Variants in TRIP13 observed in about 807,000 individuals in gnomAD.
TRIP13 encodes pachytene checkpoint protein 2 homolog.
A neutral mutation model predicts 54.4 loss-of-function variants in TRIP13; 25 were observed. The observed-to-expected ratio is 0.46, with a 90% CI of 0.33 to 0.64. The LOEUF (loss-of-function observed/expected upper bound fraction) is 0.64, where lower values mean the gene tolerates loss of function less well. TRIP13 is among the 30% of genes least tolerant of loss of function. The pLI is 0.02. For synonymous variants in TRIP13, 207 were observed against 207.8 expected, an observed-to-expected ratio of 1.00 and a Z score of 0.03; for missense variants, 373 against 534.2, an observed-to-expected ratio of 0.70 and a Z score of 2.97.
intron 5 of TRIP13, 77 bp from the exon 6 acceptor site, chr5:904,071 A>G (rs1435679799): frequency 1.5e-5 from 19 of 1,301,184 alleles, no homozygotes; most frequent in Non-Finnish European, 1.9e-5. Context: ...TTTTATGGAT[A>G]ATGGAAGTTA....
intron 1 of TRIP13, among the ~76,000 whole-genome samples, chr5:894,318 G>A (rs1753835668): frequency 6.6e-6 from 1 of 152,082 alleles, no homozygotes; most frequent in Non-Finnish European, 1.5e-5. Context: ...TGCAGCAAGG[G>A]GGACCAAGGG....
rs577182894 is a variant in TRIP13 at position 911,275 on chromosome 5, G to T, written c.867-568G>T. On this transcript the variant is annotated intron_variant, in intron 9 of 12. Transcript: ENST00000166345. This position sits in a 1 kb window ranked among gnomAD's most constrained non-coding sequence, Gnocchi z 4.7. ...GCACAATCAGGAACGCCATGCGAAA[G>T]TGAGATCCTTGCTAGGCCGGGCGCG... 6.6e-6 allele frequency among the ~76,000 whole-genome samples: 1 copy of T among 152,320 alleles called. No individual in the cohort carries two copies. The highest frequency in any genetic ancestry group is 6.5e-5 in the Admixed American group (1 of 15,310).
In TRIP13 at chr5:911,287, C is replaced by T. The variant is rs1048733188; in HGVS notation, c.867-556C>T. On this transcript the variant is annotated intron_variant, in intron 9 of 12. Transcript: ENST00000166345. This position sits in a 1 kb window ranked among gnomAD's most constrained non-coding sequence, Gnocchi z 4.7. ...ACGCCATGCGAAAGTGAGATCCTTG[C>T]TAGGCCGGGCGCGGTGGCTTACGCC... Among the ~76,000 whole-genome samples the T allele has an allele frequency of 1.5e-4, 23 of 152,288 alleles. No homozygotes were observed. Among genetic ancestry groups the T allele is most frequent in the African/African-American group, 4.6e-4 (19 of 41,568 alleles).
chr5:917,383 T>G lies in TRIP13; in HGVS notation c.*280T>G, dbSNP rs1334452024. On this transcript the variant is annotated 3_prime_UTR_variant, in exon 13 of 13. Coordinates refer to ENST00000166345, the MANE Select transcript of TRIP13 (RefSeq NM_004237.4). ...TTGTGAAGAACCATCGAAACCTGTT[T>G]GTTCCCAGCCCACCCCCAGTGGATG... 3.2e-6 allele frequency: 1 copy of G among 316,576 alleles called. No homozygotes were observed. Among genetic ancestry groups the G allele is most frequent in the Non-Finnish European group, 5.8e-6 (1 of 171,822 alleles). The allele number at this position is 316,576 out of a possible 1,614,324, so 19.6% of individuals were successfully genotyped here.
intron 2 of TRIP13, 81 bp downstream of exon 2, chr5:895,033 G>A (rs907725613): frequency 1.4e-6 from 2 of 1,445,798 alleles, no homozygotes; most frequent in African/African-American, 2.8e-5. Flanking sequence ...CGTTTTCATA[G>A]CCTGTTGTCA....
chr5:905,491 G>A (rs1754096672), intron 6 of TRIP13, among the ~76,000 whole-genome samples: 1 of 152,146 alleles, frequency 6.6e-6, no homozygotes, highest in Non-Finnish European at 1.5e-5. Flanking sequence ...CAGACTCCCT[G>A]AACTCCAATC....
intron 1 of TRIP13, 34 bp downstream of exon 1, chr5:893,124 A>AGCCCCCCCCCCCC: frequency 4.0e-6 from 6 of 1,516,686 alleles, no homozygotes; most frequent in Non-Finnish European, 3.5e-6. Context: ...TCCTCTGGGC[A>AGCCCCCCCCCCCC]CCCACCCGCC....
chr5:902,274 A>C (rs1164787221), intron 5 of TRIP13, among the ~76,000 whole-genome samples: 1 of 152,216 alleles, frequency 6.6e-6, no homozygotes, highest in Admixed American at 6.5e-5. Context: ...AACTGTAGCC[A>C]AGTGTTAAAT....
At chr5:902,748 C>T (rs1164449065) in intron 5 of TRIP13, among the ~76,000 whole-genome samples, 3 of 152,018 alleles carry the variant, frequency 2.0e-5, no homozygotes, top group African/African-American at 4.8e-5. Context: ...TGCCAGGCTG[C>T]GCTGATATAT....
chr5:903,100 C>G (rs1476645045), intron 5 of TRIP13, among the ~76,000 whole-genome samples: 1 of 152,032 alleles, frequency 6.6e-6, no homozygotes, highest in African/African-American at 2.4e-5. Flanking sequence ...AGGCCCTCCA[C>G]AAGAGGTGGA....
rs1340384344 is a variant in TRIP13 at position 911,699 on chromosome 5, G to A, written c.867-144G>A. On this transcript the variant is annotated intron_variant, in intron 9 of 12. Coordinates refer to ENST00000166345, the MANE Select transcript of TRIP13 (RefSeq NM_004237.4). This position sits in a 1 kb window ranked among gnomAD's most constrained non-coding sequence, Gnocchi z 4.7. ...GAGCAAAGGCTGGGGGGTCTGCGTG[G>A]CCTGTGTTGGCACAAGGCCACTTTC... is the stretch of plus-strand genomic sequence containing the variant. The A allele has an allele frequency of 2.0e-6, 2 of 994,010 alleles. No individual in the cohort carries two copies. The highest frequency in any genetic ancestry group is 6.4e-5 in the Admixed American group (2 of 31,358). The allele number at this position is 994,010 out of a possible 1,614,324, so 61.6% of individuals were successfully genotyped here. A position where few individuals can be genotyped will look rare whatever the true frequency, so the allele number is the denominator to read the frequency against.
downstream of TRIP13, among the ~76,000 whole-genome samples, chr5:918,706 G>T (rs970289428): frequency 1.3e-5 from 2 of 152,184 alleles, no homozygotes; most frequent in African/African-American, 4.8e-5. The surrounding 1 kb of genome is among the most constrained non-coding windows in gnomAD (Gnocchi z 4.3). Flanking sequence ...TCAGCAAGGA[G>T]AGCCACTCCG....
intron 11 of TRIP13, 142 bp downstream of exon 11, chr5:914,719 A>ATG (rs1754308495): frequency 6.3e-6 from 4 of 638,618 alleles, no homozygotes; most frequent in East Asian, 5.5e-5. Context: ...GCATGTACAC[A>ATG]CGTGTGTGTG....
In TRIP13 at chr5:893,049, G is replaced by A. The variant is rs375328821; in HGVS notation, c.51G>A (p.Glu17=). Residue 17 remains glutamate (E), a synonymous_variant, in exon 1 of 13, where the codon GAG becomes GAA. Transcript: ENST00000166345. ...DLKQALPCVA[E]SPTVHVEVHQ... is the part of the protein sequence containing the mutation. The stretch of plus-strand genomic sequence containing the variant: ...AGCAGGCGCTTCCCTGTGTGGCCGA[G>A]TCGCCAACGGTCCACGTGGAGGTGC... 2.8e-5 allele frequency: 44 copies of A among 1,597,770 alleles called. No homozygotes were observed. The highest frequency in any genetic ancestry group is 3.7e-5 in the Non-Finnish European group (43 of 1,176,286).
At chr5:896,868 A>C (rs920980) in intron 3 of TRIP13, 74 bp downstream of exon 3, 17 of 1,478,538 alleles carry the variant, frequency 1.1e-5, no homozygotes, top group Non-Finnish European at 1.4e-5. Context: ...GTCAGTTCAC[A>C]GGGGGGGTTC....
At position 896,761 on chromosome 5, in the gene TRIP13, A is replaced by G. The variant is rs1753924632; in HGVS notation, c.355A>G (p.Ile119Val). The change falls in exon 3 of 13, where the codon ATA becomes GTA. Residue 119 changes from isoleucine to valine, a missense_variant. Coordinates refer to ENST00000166345, the MANE Select transcript of TRIP13 (RefSeq NM_004237.4). ...SENLEEETEN[I>V]IAANHWVLPA... ...AAATCTGGAGGAAGAGACAGAAAACATAATTGCAGCAAATCACTGGGTTCT... is the reference window on the plus strand; with the variant it reads ...AAATCTGGAGGAAGAGACAGAAAACGTAATTGCAGCAAATCACTGGGTTCT... The G allele has an allele frequency of 6.2e-7, 1 of 1,613,874 alleles. No homozygotes were observed. Among genetic ancestry groups the G allele is most frequent in the Non-Finnish European group, 8.5e-7 (1 of 1,179,852 alleles).
intron 5 of TRIP13, among the ~76,000 whole-genome samples, chr5:903,364 A>T (rs1290909634): frequency 6.6e-6 from 1 of 152,060 alleles, no homozygotes; most frequent in African/African-American, 2.4e-5. Flanking sequence ...CTATCTCTGT[A>T]TGGCCTGGTT....
Position 915,871 on chromosome 5 carries a change from T to C in TRIP13, c.1134-33T>C. ...GTCCTGAAACGTGTGATTGTATAAA[T>C]TGCTGTCTCTGAACTGGGTTTTCTT... On this transcript the variant is annotated intron_variant, in intron 11 of 12. Coordinates refer to ENST00000166345, the MANE Select transcript of TRIP13 (RefSeq NM_004237.4). This position sits in a 1 kb window ranked among gnomAD's most constrained non-coding sequence, Gnocchi z 4.2. 1 of 1,612,158 alleles carries C rather than the reference T, an allele frequency of 6.2e-7. No individual in the cohort carries two copies. The highest frequency in any genetic ancestry group is 1.1e-5 in the South Asian group (1 of 91,058).
chr5:914,747 G>A (rs1184382009), intron 11 of TRIP13, among the ~76,000 whole-genome samples, 170 bp downstream of exon 11: 1 of 151,616 alleles, frequency 6.6e-6, no homozygotes, highest in Non-Finnish European at 1.5e-5. Context: ...GTGTGCATGT[G>A]AGTAGAAACA....
Sources: gnomAD v4.1 joint callset for allele counts (sites outside exome capture counted in the v4.1 genomes callset) on GRCh38, gnomAD v4.1.1 for gene constraint, Gnocchi (gnomAD v3.1) non-coding constraint, MANE v1.5 for transcripts, NCBI Gene and HGNC (gene_info 2026-07-23, HGNC 2026-07-21) for gene names.